The following PCSK5 variants were observed in gnomAD, a reference collection of about 807,000 sequenced individuals.
The protein encoded by PCSK5 is prohormone convertase 5.
In PCSK5, 129 loss-of-function variants were observed where a neutral mutation model predicts 233.2. The ratio of observed to expected loss-of-function variants is 0.55; its 90% CI spans 0.48 to 0.64. The LOEUF (loss-of-function observed/expected upper bound fraction) is 0.64. PCSK5 is among the 30% of genes least tolerant of loss of function. The pLI is 0.00. For missense variants in PCSK5, 2,076 were observed against 2,430.1 expected, an observed-to-expected ratio of 0.85 and a Z score of 3.06; for synonymous variants, 825 against 879.2, an observed-to-expected ratio of 0.94 and a Z score of 1.09.
intron 3 of PCSK5, among the ~76,000 whole-genome samples, chr9:76,009,141 A>G (rs1227543713): frequency 6.6e-6 from 1 of 152,188 alleles, no homozygotes; most frequent in East Asian, 1.9e-4. Context: ...CTGAGCAAAA[A>G]GCATGCGCAA....
chr9:76,331,716 G>C (rs922591049), intron 33 of PCSK5, among the ~76,000 whole-genome samples: 2 of 151,758 alleles, frequency 1.3e-5, no homozygotes, highest in Non-Finnish European at 2.9e-5. Flanking sequence ...AGTAATAGAA[G>C]GTGATGTGAT....
At chr9:76,028,479 A>G (rs1281741300) in intron 5 of PCSK5, among the ~76,000 whole-genome samples, 1 of 152,058 alleles carries the variant, frequency 6.6e-6, no homozygotes, top group Non-Finnish European at 1.5e-5. Context: ...CTGGAGATGG[A>G]ATCATAGGGG....
At chr9:76,234,127 C>T (rs546342262) in intron 22 of PCSK5, among the ~76,000 whole-genome samples, 1 of 152,248 alleles carries the variant, frequency 6.6e-6, no homozygotes, top group South Asian at 2.1e-4. Flanking sequence ...TGCATTCTGA[C>T]CCTTGACTCC....
At chr9:76,129,134 T>TTCA (rs1822650416) in intron 9 of PCSK5, among the ~76,000 whole-genome samples, 1 of 152,328 alleles carries the variant, frequency 6.6e-6, no homozygotes, top group Non-Finnish European at 1.5e-5. Flanking sequence ...TACTTTCTGC[T>TTCA]TCATCTTTGT....
At chr9:76,143,657 C>G (rs900589961) in intron 10 of PCSK5, among the ~76,000 whole-genome samples, 2 of 151,136 alleles carry the variant, frequency 1.3e-5, no homozygotes, top group African/African-American at 4.9e-5. Flanking sequence ...CATTTTTTAT[C>G]ATCTCTTGGC....
At chr9:75,950,874 A>G (rs979924406) in intron 2 of PCSK5, among the ~76,000 whole-genome samples, 1 of 152,252 alleles carries the variant, frequency 6.6e-6, no homozygotes, top group Non-Finnish European at 1.5e-5. Flanking sequence ...TAAATGCTCC[A>G]ATTAAAAGAC....
chr9:76,027,068 T>A, intron 5 of PCSK5, 31 bp downstream of exon 5: 1 of 1,484,756 alleles, frequency 6.7e-7, no homozygotes, highest in South Asian at 1.2e-5. Context: ...GGCTGGCATG[T>A]GGCTGGCAAG....
chr9:76,180,894 GTTTTTT>G (rs33951103), intron 15 of PCSK5, among the ~76,000 whole-genome samples: 2 of 143,328 alleles, frequency 1.4e-5, no homozygotes, highest in Admixed American at 1.4e-4. Context: ...AAACAAGGAA[GTTTTTT>G]TTTTTTTTTA....
At chr9:76,107,162 C>T in intron 8 of PCSK5, 89 bp from the exon 9 acceptor site, 1 of 684,942 alleles carries the variant, frequency 1.5e-6, no homozygotes. Context: ...AACATATACC[C>T]CCATTCTATT....
Position 76,323,384 on chromosome 9 carries a change from G to T in PCSK5, c.4339+96G>T, listed in dbSNP as rs376585664. 1.5e-5 allele frequency: 11 copies of T among 739,124 alleles called. 1 individual carries two copies. The South Asian group carries it at 2.1e-4, about 14-fold the overall frequency. The allele number at this position is 739,124 out of a possible 1,614,324, so 45.8% of individuals were successfully genotyped here. On this transcript the variant is annotated intron_variant, in intron 32 of 37. Coordinates refer to ENST00000674117, the MANE Select transcript of PCSK5 (RefSeq NM_001372043.1). ...CTGTCATCTCAATCTTTTTTTTGTT[G>T]TGTTTTGTTTTTGTTTTGGGACAAG... is the stretch of plus-strand genomic sequence containing the variant.
chr9:76,258,159 A>G (rs766566519), intron 24 of PCSK5, among the ~76,000 whole-genome samples: 1 of 152,168 alleles, frequency 6.6e-6, no homozygotes, highest in Non-Finnish European at 1.5e-5. Flanking sequence ...GGTAGGTGGT[A>G]GAACATTAGA....
intron 2 of PCSK5, among the ~76,000 whole-genome samples, chr9:75,947,513 C>A (rs112901856): frequency 0.022 from 3,341 of 151,810 alleles, 58 homozygotes; most frequent in Non-Finnish European, 0.031. Context: ...AAAAAAGAAC[C>A]AACAAAAGTG....
At chr9:76,173,555 T>C (rs1470182260) in intron 13 of PCSK5, among the ~76,000 whole-genome samples, 3 of 141,138 alleles carry the variant, frequency 2.1e-5, no homozygotes, top group Non-Finnish European at 3.0e-5. Flanking sequence ...GAACACAATT[T>C]TGTGAAGCTA....
intron 27 of PCSK5, among the ~76,000 whole-genome samples, chr9:76,301,697 A>G (rs910959287): frequency 1.3e-5 from 2 of 152,144 alleles, no homozygotes; most frequent in Non-Finnish European, 2.9e-5. Context: ...ACAAAATACT[A>G]GCCAGGCATG....
At chr9:76,194,006 T>C (rs1370390858) in intron 20 of PCSK5, 1 of 152,430 alleles carries the variant, frequency 6.6e-6, no homozygotes, top group Non-Finnish European at 1.5e-5. Flanking sequence ...ATAAGTCTGC[T>C]CCACTGGTTT....
chr9:75,938,120 T>G (rs2131295414), intron 2 of PCSK5, among the ~76,000 whole-genome samples: 1 of 152,322 alleles, frequency 6.6e-6, no homozygotes, highest in Middle Eastern at 3.4e-3. Flanking sequence ...GAGGCCTGGG[T>G]TTCTGCCTAT....
intron 10 of PCSK5, among the ~76,000 whole-genome samples, chr9:76,154,510 G>A (rs1823804060): frequency 6.6e-6 from 1 of 152,098 alleles, no homozygotes; most frequent in Admixed American, 6.5e-5. Flanking sequence ...CACGTACCTG[G>A]TATTGCAGTG....
chr9:76,317,120 G>T (rs1225282867), intron 30 of PCSK5, among the ~76,000 whole-genome samples: 1 of 152,038 alleles, frequency 6.6e-6, no homozygotes, highest in Non-Finnish European at 1.5e-5. Flanking sequence ...CATGTAACTG[G>T]GAGGCCAAGG....
intron 1 of PCSK5, among the ~76,000 whole-genome samples, chr9:75,896,989 TAA>T: frequency 6.6e-6 from 1 of 152,248 alleles, no homozygotes; most frequent in Non-Finnish European, 1.5e-5. Context: ...AAAACAAGAC[TAA>T]GAGTCAGGTT....
Sources: gnomAD v4.1 joint callset for allele counts (sites outside exome capture counted in the v4.1 genomes callset) on GRCh38, gnomAD v4.1.1 for gene constraint, MANE v1.5 for transcripts, NCBI Gene and HGNC (gene_info 2026-07-23, HGNC 2026-07-21) for gene names.